ANKRD33B: variants seen among roughly 807,000 people sequenced by gnomAD.
The protein encoded by ANKRD33B is ankyrin repeat domain-containing protein 33B.
A neutral mutation model predicts 21.5 loss-of-function variants in ANKRD33B; 6 were observed. That is an observed-to-expected ratio of 0.28 (90% CI 0.15 to 0.55). ANKRD33B has a LOEUF of 0.55. Ranked by LOEUF, ANKRD33B falls within the 20% of genes least tolerant of loss-of-function variation. The pLI, the probability that ANKRD33B is intolerant of heterozygous loss-of-function variation, is 0.94. For missense variants in ANKRD33B, 698 were observed against 747.2 expected (o/e 0.93, Z 0.77); for synonymous variants, 347 against 342.4 (o/e 1.01, Z -0.15).
intron 1 of ANKRD33B, among the ~76,000 whole-genome samples, chr5:10,577,403 G>A (rs1249398251): frequency 3.3e-5 from 5 of 152,196 alleles, no homozygotes; most frequent in South Asian, 4.1e-4. Context: ...GATTACAGGC[G>A]TGAGCCACCG....
intron 1 of ANKRD33B, among the ~76,000 whole-genome samples, chr5:10,577,002 A>C (rs1050545418): frequency 2.0e-5 from 3 of 152,110 alleles, no homozygotes; most frequent in African/African-American, 7.2e-5. Context: ...CGGCATAAGG[A>C]GAGTTTTTCA....
intron 1 of ANKRD33B, among the ~76,000 whole-genome samples, chr5:10,606,730 CTTT>C (rs770615117): frequency 2.9e-5 from 4 of 136,256 alleles, no homozygotes; most frequent in Admixed American, 7.4e-5. Context: ...AAGACTCTGT[CTTT>C]TTTTTTTTTT....
At chr5:10,614,954 G>C (rs1736251702) in intron 1 of ANKRD33B, among the ~76,000 whole-genome samples, 1 of 152,192 alleles carries the variant, frequency 6.6e-6, no homozygotes, top group Non-Finnish European at 1.5e-5. Context: ...GTGGCTGTCA[G>C]CAGGTGCCTG....
In ANKRD33B at chr5:10,649,464, G is replaced by T; in HGVS notation, c.836G>T (p.Cys279Phe). 2 of 1,535,366 alleles carry T rather than the reference G, an allele frequency of 1.3e-6. No individual in the cohort carries two copies. The highest frequency in any genetic ancestry group is 1.4e-5 in the African/African-American group (1 of 73,136). ...AARKPAGSKN[C>F]LQRLTDCVLS... ...CGGAAGCCCGCGGGCTCCAAGAACT[G>T]CCTGCAGAGGCTCACAGACTGCGTG... Residue 279 changes from cysteine (C) to phenylalanine (F), a missense_variant, in exon 4 of 4, where the codon TGC becomes TTC. Around this residue, in one of 3 missense-constraint regions of ANKRD33B, gnomAD observed 543 missense variants for 566.5 expected, o/e 0.96. Coordinates refer to ENST00000296657, the MANE Select transcript of ANKRD33B (RefSeq NM_001164440.2).
chr5:10,582,197 A>G (rs1041375021), intron 1 of ANKRD33B, among the ~76,000 whole-genome samples: 1 of 152,172 alleles, frequency 6.6e-6, no homozygotes, highest in African/African-American at 2.4e-5. Flanking sequence ...AAAGGGCCCT[A>G]TGTCTGATGT....
chr5:10,637,505 G>C (rs1276176115), intron 2 of ANKRD33B, among the ~76,000 whole-genome samples: 2 of 140,150 alleles, frequency 1.4e-5, no homozygotes, highest in African/African-American at 5.2e-5. Context: ...GGTGGAGAGA[G>C]AGACTCCTGC....
chr5:10,622,235 C>G (rs1736436549), intron 2 of ANKRD33B, among the ~76,000 whole-genome samples: 1 of 152,206 alleles, frequency 6.6e-6, no homozygotes, highest in Non-Finnish European at 1.5e-5. Flanking sequence ...AGAGGGTCCC[C>G]TGGACAGCAC....
At chr5:10,639,243 G>A (rs1251585013) in intron 3 of ANKRD33B, among the ~76,000 whole-genome samples, 2 of 24,286 alleles carry the variant, frequency 8.2e-5, no homozygotes, top group Admixed American at 4.9e-4. Context: ...GTGGGGTTGC[G>A]CGGCGATGTT....
chr5:10,616,336 G>T (rs34035288), intron 1 of ANKRD33B, among the ~76,000 whole-genome samples: 1 of 152,080 alleles, frequency 6.6e-6, no homozygotes, highest in African/African-American at 2.4e-5. Flanking sequence ...GGAGACTGAG[G>T]TGGGTAGATC....
In ANKRD33B at chr5:10,651,451, G is replaced by A. The variant is rs1267723362; in HGVS notation, c.*1338G>A. On this transcript the variant is annotated 3_prime_UTR_variant, in exon 4 of 4. Coordinates refer to ENST00000296657, the MANE Select transcript of ANKRD33B (RefSeq NM_001164440.2). ...GTGATCAAATTTGAATTTATCAAAGGGGGTTTTCTGCATAATTTTGTATTT... is the reference window on the plus strand; with the variant it reads ...GTGATCAAATTTGAATTTATCAAAGAGGGTTTTCTGCATAATTTTGTATTT... 3 of 152,094 alleles carry A rather than the reference G, an allele frequency of 2.0e-5. No homozygotes were observed. Among genetic ancestry groups the A allele is most frequent in the Non-Finnish European group, 4.4e-5 (3 of 67,994 alleles). The allele number at this position is 152,094 out of a possible 1,614,324, so 9.4% of individuals were successfully genotyped here. A position where few individuals can be genotyped will look rare whatever the true frequency, so the allele number is the denominator to read the frequency against.
chr5:10,590,604 G>A (rs905397627), intron 1 of ANKRD33B, among the ~76,000 whole-genome samples: 3 of 101,478 alleles, frequency 3.0e-5, no homozygotes, highest in Admixed American at 8.5e-5. Flanking sequence ...GCGCGCGCGC[G>A]CGCGTGTGTG....
chr5:10,577,311 G>A (rs1290807321), intron 1 of ANKRD33B, among the ~76,000 whole-genome samples: 2 of 152,166 alleles, frequency 1.3e-5, no homozygotes, highest in African/African-American at 2.4e-5. Context: ...GGTATTTTCA[G>A]TAGAGACAGG....
rs1433761190 is a variant in ANKRD33B at position 10,649,802 on chromosome 5, G to C, written c.1174G>C (p.Gly392Arg). 7.2e-7 allele frequency: 1 copy of C among 1,393,614 alleles called. No individual in the cohort carries two copies. The highest frequency in any genetic ancestry group is 9.3e-7 in the Non-Finnish European group (1 of 1,080,056). 86.3% of individuals were successfully genotyped at this position (1,393,614 alleles called of 1,614,324 possible). ...SPRAGLPPAL[G>R]SRGPAAPAPR... ...GAGAGCCGGCCTCCCTCCCGCCCTG[G>C]GGTCCCGGGGCCCCGCAGCGCCCGC... is the stretch of plus-strand genomic sequence containing the variant. The change falls in exon 4 of 4, where the codon GGG becomes CGG. Residue 392 changes from glycine to arginine, a missense_variant. This residue lies in a region of ANKRD33B where 543 missense variants were observed against 566.5 expected (regional missense o/e 0.96). Coordinates refer to ENST00000296657, the MANE Select transcript of ANKRD33B (RefSeq NM_001164440.2).
intron 1 of ANKRD33B, among the ~76,000 whole-genome samples, chr5:10,570,346 G>A (rs1247020112): frequency 6.6e-6 from 1 of 152,164 alleles, no homozygotes; most frequent in Non-Finnish European, 1.5e-5. Context: ...TCAGCTGGTG[G>A]TCAGCTGCGA....
chr5:10,623,476 G>C (rs1314529842), intron 2 of ANKRD33B, among the ~76,000 whole-genome samples: 1 of 152,154 alleles, frequency 6.6e-6, no homozygotes, highest in Non-Finnish European at 1.5e-5. Flanking sequence ...CAGCTCTCTG[G>C]GGCCTCTTTT....
Position 10,650,062 on chromosome 5 carries a change from G to A in ANKRD33B, c.1434G>A (p.Gln478=). The A allele has an allele frequency of 6.5e-7, 1 of 1,530,814 alleles. No homozygotes were observed. The highest frequency in any genetic ancestry group is 8.7e-7 in the Non-Finnish European group (1 of 1,143,540). The allele number at this position is 1,530,814 out of a possible 1,614,324, so 94.8% of individuals were successfully genotyped here. The change falls in exon 4 of 4, where the codon CAG becomes CAA. Residue 478 remains glutamine (Q), a synonymous_variant. Coordinates refer to ENST00000296657, the MANE Select transcript of ANKRD33B (RefSeq NM_001164440.2). ...RKAEEAEKKR[Q]AEAQKERRTA... is the part of the protein sequence containing the mutation. ...CAGAGGAGGCCGAAAAGAAGCGCCA[G>A]GCCGAGGCGCAGAAGGAGAGGCGCA...
At chr5:10,630,413 C>T (rs528586112) in intron 2 of ANKRD33B, among the ~76,000 whole-genome samples, 33 of 152,298 alleles carry the variant, frequency 2.2e-4, no homozygotes, top group African/African-American at 7.5e-4. Context: ...CTTCTGCTTC[C>T]ATCACGCCTG....
chr5:10,647,824 T>C (rs533301186), intron 3 of ANKRD33B, among the ~76,000 whole-genome samples: 1 of 152,240 alleles, frequency 6.6e-6, no homozygotes, highest in African/African-American at 2.4e-5. Flanking sequence ...TGCCCTCAAC[T>C]AATTGGGCGA....
At chr5:10,644,161 A>G (rs1039506479) in intron 3 of ANKRD33B, among the ~76,000 whole-genome samples, 5 of 152,238 alleles carry the variant, frequency 3.3e-5, no homozygotes, top group African/African-American at 1.2e-4. Context: ...CCATTTAAAG[A>G]AACTAATAGC....
Sources: allele counts gnomAD v4.1 joint callset (sites outside exome capture counted in the v4.1 genomes callset), GRCh38; gene constraint gnomAD v4.1.1; regional missense constraint gnomAD v4.1.1; transcripts MANE v1.5; gene names NCBI Gene and HGNC (gene_info 2026-07-23, HGNC 2026-07-21).